Variants in GALNT17 observed in about 807,000 individuals in gnomAD.
The protein encoded by GALNT17 is UDP-GalNAc:polypeptide N-acetylgalactosaminyltransferase-like 3.
In GALNT17, 29 loss-of-function variants were observed where a neutral mutation model predicts 63.7. The ratio of observed to expected loss-of-function variants is 0.46; its 90% CI spans 0.34 to 0.62. The LOEUF is 0.62. Among genes scored for constraint, GALNT17 ranks in the 20% least tolerant of loss-of-function variants. The probability of loss-of-function intolerance (pLI) is 0.01; values close to 1 mark genes in which losing one functional copy is unlikely to be tolerated. For synonymous variants in GALNT17, 305 were observed against 318.3 expected, an observed-to-expected ratio of 0.96 and a Z score of 0.45; for missense variants, 603 against 799.6, an observed-to-expected ratio of 0.75 and a Z score of 2.97.
chr7:71,420,060 G>A (rs999126878), intron 4 of GALNT17, among the ~76,000 whole-genome samples: 2 of 152,170 alleles, frequency 1.3e-5, no homozygotes, highest in Non-Finnish European at 2.9e-5. Context: ...TCTGTTATAA[G>A]CTGGGAGATT....
intron 1 of GALNT17, among the ~76,000 whole-genome samples, chr7:71,200,514 T>TGAG (rs1431291135): frequency 6.6e-6 from 1 of 152,216 alleles, no homozygotes; most frequent in African/African-American, 2.4e-5. Context: ...AAAATCACTC[T>TGAG]CTGTGTCCCT....
chr7:71,611,221 A>T (rs1166399369), intron 6 of GALNT17, among the ~76,000 whole-genome samples: 1 of 152,060 alleles, frequency 6.6e-6, no homozygotes, highest in Non-Finnish European at 1.5e-5. Context: ...TAAGGCAGAT[A>T]GAGTCCTGTT....
intron 9 of GALNT17, among the ~76,000 whole-genome samples, chr7:71,690,577 G>C (rs1441938566): frequency 6.6e-6 from 1 of 152,194 alleles, no homozygotes; most frequent in Non-Finnish European, 1.5e-5. Flanking sequence ...GCCATAGATA[G>C]TGATTCTTCT....
At chr7:71,579,288 C>A (rs770561802) in intron 6 of GALNT17, among the ~76,000 whole-genome samples, 8 of 152,182 alleles carry the variant, frequency 5.3e-5, no homozygotes, top group Non-Finnish European at 7.3e-5. Flanking sequence ...TGGTGGCCAA[C>A]AGTTCAACTG....
At chr7:71,389,714 G>T (rs1013630074) in intron 3 of GALNT17, among the ~76,000 whole-genome samples, 13 of 151,994 alleles carry the variant, frequency 8.6e-5, no homozygotes, top group African/African-American at 2.9e-4. Context: ...CATCTTTGTT[G>T]TCCTTCTCCA....
At chr7:71,637,098 G>A (rs552758403) in intron 6 of GALNT17, among the ~76,000 whole-genome samples, 11 of 152,274 alleles carry the variant, frequency 7.2e-5, no homozygotes, top group Admixed American at 1.3e-4. Flanking sequence ...TTACGTGATC[G>A]AATTAACAAG....
chr7:71,278,523 A>G (rs77645968), intron 1 of GALNT17, among the ~76,000 whole-genome samples: 2 of 152,318 alleles, frequency 1.3e-5, no homozygotes, highest in South Asian at 4.1e-4. Flanking sequence ...CCTTTGTCGT[A>G]ATATGTTCTC....
At chr7:71,148,222 C>T (rs1788060940) in intron 1 of GALNT17, among the ~76,000 whole-genome samples, 1 of 152,168 alleles carries the variant, frequency 6.6e-6, no homozygotes, top group Non-Finnish European at 1.5e-5. Flanking sequence ...TGGTAGCTAG[C>T]ACTGTTTTGG....
chr7:71,597,715 G>T (rs1016255902), intron 6 of GALNT17, among the ~76,000 whole-genome samples: 2 of 152,016 alleles, frequency 1.3e-5, no homozygotes, highest in African/African-American at 4.8e-5. Flanking sequence ...CAGTGTTGGA[G>T]AACCAGGAGG....
At chr7:71,218,637 C>T (rs967412530) in intron 1 of GALNT17, among the ~76,000 whole-genome samples, 14 of 152,032 alleles carry the variant, frequency 9.2e-5, no homozygotes, top group African/African-American at 1.7e-4. Context: ...GGCAAGCGAT[C>T]GAAGCTTCAT....
At chr7:71,347,650 G>T (rs1248547625) in intron 2 of GALNT17, among the ~76,000 whole-genome samples, 1 of 152,088 alleles carries the variant, frequency 6.6e-6, no homozygotes, top group Non-Finnish European at 1.5e-5. Context: ...GAAATCCAGA[G>T]GGTCCAGCCT....
At chr7:71,335,914 G>A (rs11768233) in intron 2 of GALNT17, among the ~76,000 whole-genome samples, 181 bp downstream of exon 2, 57,765 of 151,722 alleles carry the variant, frequency 0.38, 11,396 homozygotes, top group Non-Finnish European at 0.4. Context: ...AAACAAAAAA[G>A]TTCAGTTGTT....
At chr7:71,641,297 G>A (rs1026848269) in intron 6 of GALNT17, among the ~76,000 whole-genome samples, 1 of 152,212 alleles carries the variant, frequency 6.6e-6, no homozygotes, top group African/African-American at 2.4e-5. Flanking sequence ...TAACTTAATA[G>A]GTGTGTGTCT....
chr7:71,184,348 C>G (rs1788792234), intron 1 of GALNT17, among the ~76,000 whole-genome samples: 1 of 151,730 alleles, frequency 6.6e-6, no homozygotes, highest in Admixed American at 6.6e-5. Context: ...AATACTCCAA[C>G]CACTCGATGA....
intron 1 of GALNT17, among the ~76,000 whole-genome samples, chr7:71,235,880 A>G (rs1337634764): frequency 6.6e-6 from 1 of 152,252 alleles, no homozygotes; most frequent in Non-Finnish European, 1.5e-5. Context: ...CTCCTGTGCC[A>G]TTTAAAAGTC....
rs528503039 is a variant in GALNT17, at chr7:71,279,029, G to A, written c.239-56521G>A. On this transcript the variant is annotated intron_variant, in intron 1 of 10. Coordinates refer to ENST00000333538, the MANE Select transcript of GALNT17 (RefSeq NM_022479.3). ...CAACCTCCACCTCCCGAGTTCAAGC[G>A]ATTCTCCTGCCTCAGCCCCCCGAGT... is the stretch of plus-strand genomic sequence containing the variant. 9.2e-5 allele frequency among the ~76,000 whole-genome samples: 14 copies of A among 151,694 alleles called. No homozygotes were observed. The South Asian group carries it at 1.0e-3, about 11-fold the overall frequency.
chr7:71,414,973 C>T (rs1401886489), intron 3 of GALNT17, among the ~76,000 whole-genome samples: 1 of 147,798 alleles, frequency 6.8e-6, no homozygotes, highest in East Asian at 2.0e-4. Flanking sequence ...TTTATGCACA[C>T]AAAGTATCAC....
At chr7:71,673,807 T>A (rs2117061136) in intron 8 of GALNT17, among the ~76,000 whole-genome samples, 1 of 152,324 alleles carries the variant, frequency 6.6e-6, no homozygotes, top group South Asian at 2.1e-4. Context: ...TTTGTTTTTA[T>A]AGAGGTCTCA....
At chr7:71,532,304 G>A (rs1312973588) in intron 5 of GALNT17, among the ~76,000 whole-genome samples, 1 of 152,086 alleles carries the variant, frequency 6.6e-6, no homozygotes, top group Non-Finnish European at 1.5e-5. Flanking sequence ...ATATAATCAG[G>A]CACAAGGGTC....
Sources: allele counts gnomAD v4.1 joint callset (sites outside exome capture counted in the v4.1 genomes callset), GRCh38; gene constraint gnomAD v4.1.1; transcripts MANE v1.5; gene names NCBI Gene and HGNC (gene_info 2026-07-23, HGNC 2026-07-21).